Variants in PARN observed in about 807,000 individuals in gnomAD.
PARN encodes the protein poly(A)-specific ribonuclease PARN.
Under a neutral mutation model 102.8 loss-of-function variants are expected in PARN, and 71 were observed. That is an observed-to-expected ratio of 0.69 (90% CI 0.57 to 0.84). The LOEUF (loss-of-function observed/expected upper bound fraction) is 0.84. Ranked by LOEUF, PARN falls within the 40% of genes least tolerant of loss-of-function variation. The probability of loss-of-function intolerance (pLI) is 0.00; values close to 1 mark genes in which losing one functional copy is unlikely to be tolerated. For missense variants in PARN, 782 were observed against 760.9 expected, an observed-to-expected ratio of 1.03 and a Z score of -0.33; for synonymous variants, 261 against 252.9, an observed-to-expected ratio of 1.03 and a Z score of -0.30.
chr16:14,468,790 C>T (rs1158260352), intron 22 of PARN, among the ~76,000 whole-genome samples: 1 of 151,934 alleles, frequency 6.6e-6, no homozygotes, highest in African/African-American at 2.4e-5. Context: ...GACTGCAATC[C>T]TAGCTGCTTG....
chr16:14,436,899 C>G, intron 23 of PARN, 127 bp from the exon 24 acceptor site: 1 of 695,018 alleles, frequency 1.4e-6, no homozygotes, highest in Non-Finnish European at 2.5e-6. Flanking sequence ...TCTGGCTAAA[C>G]AGCTGCGCTG....
intron 18 of PARN, among the ~76,000 whole-genome samples, chr16:14,577,637 A>C (rs1969226183): frequency 6.6e-6 from 1 of 152,056 alleles, no homozygotes; most frequent in Non-Finnish European, 1.5e-5. Context: ...CCTGGTCCAG[A>C]AAACCCACTT....
intron 22 of PARN, among the ~76,000 whole-genome samples, chr16:14,474,491 C>T (rs1048912766): frequency 8.5e-5 from 13 of 152,106 alleles, no homozygotes; most frequent in Non-Finnish European, 1.5e-4. Flanking sequence ...AAGGGTCTCA[C>T]GAGTTTTTAT....
chr16:14,458,599 C>A (rs956188023), intron 22 of PARN, among the ~76,000 whole-genome samples: 3 of 152,108 alleles, frequency 2.0e-5, no homozygotes, highest in Admixed American at 1.3e-4. Flanking sequence ...GCAAAGAGCT[C>A]TGCATAGAGG....
At chr16:14,483,580 T>C (rs1338417742) in intron 21 of PARN, among the ~76,000 whole-genome samples, 1 of 152,192 alleles carries the variant, frequency 6.6e-6, no homozygotes, top group Non-Finnish European at 1.5e-5. Context: ...TCTGTTACAA[T>C]GAGTTTTAAA....
chr16:14,463,821 G>T (rs1962141698), intron 22 of PARN, among the ~76,000 whole-genome samples: 2 of 134,182 alleles, frequency 1.5e-5, no homozygotes, highest in African/African-American at 2.7e-5. Flanking sequence ...GTTGAAAAAA[G>T]TCCAAACTTT....
chr16:14,544,674 T>TA (rs1966866751), intron 21 of PARN, among the ~76,000 whole-genome samples: 1 of 152,144 alleles, frequency 6.6e-6, no homozygotes, highest in Non-Finnish European at 1.5e-5. Context: ...TTAAAAATAA[T>TA]AGTATTACAA....
intron 21 of PARN, among the ~76,000 whole-genome samples, chr16:14,509,416 C>CT (rs1185926203): frequency 1.3e-5 from 2 of 152,158 alleles, no homozygotes; most frequent in Non-Finnish European, 2.9e-5. Context: ...ACAAGTGTGA[C>CT]TTACTGCATG....
chr16:14,626,647 T>G (rs192839375), intron 5 of PARN, among the ~76,000 whole-genome samples: 1 of 151,952 alleles, frequency 6.6e-6, no homozygotes, highest in Admixed American at 6.6e-5. Context: ...AGTCTCGCTC[T>G]GTTGCCCAAG....
intron 12 of PARN, among the ~76,000 whole-genome samples, chr16:14,599,602 G>A (rs773439255): frequency 6.6e-6 from 1 of 151,730 alleles, no homozygotes; most frequent in Non-Finnish European, 1.5e-5. Flanking sequence ...TTTCTTTTTC[G>A]ACTTCTTACT....
At chr16:14,584,872 A>C in intron 14 of PARN, 81 bp from the exon 15 acceptor site, 2 of 727,302 alleles carry the variant, frequency 2.7e-6, no homozygotes, top group Non-Finnish European at 4.6e-6. Flanking sequence ...AAGCTACTTA[A>C]AATACTTCAT....
chr16:14,448,077 C>G (rs1009543517), intron 22 of PARN, among the ~76,000 whole-genome samples: 4 of 152,024 alleles, frequency 2.6e-5, no homozygotes, highest in African/African-American at 9.7e-5. Context: ...CTCCGCCTCC[C>G]GGATTCAAGT....
Position 14,580,986 on chromosome 16 carries a change from T to C in PARN, c.1193-43A>G, listed in dbSNP as rs368428151. 35 of 1,234,550 alleles carry C rather than the reference T, an allele frequency of 2.8e-5. 2 individuals carry two copies. The highest frequency in any genetic ancestry group is 6.1e-5 in the South Asian group (5 of 81,466). 76.5% of individuals were successfully genotyped at this position (1,234,550 alleles called of 1,614,324 possible). On this transcript the variant is annotated intron_variant, in intron 17 of 23. Coordinates refer to ENST00000437198, the MANE Select transcript of PARN (RefSeq NM_002582.4). ...AGAGGTATTATTATTCATAGTCACATAGACCAAGCCTGAAAGTTCAGACCA... is the reference window on the plus strand; with the variant it reads ...AGAGGTATTATTATTCATAGTCACACAGACCAAGCCTGAAAGTTCAGACCA...
rs1442510049 is a variant in PARN at position 14,584,907 on chromosome 16, A to G, written c.963-116T>C. On this transcript the variant is annotated intron_variant, in intron 14 of 23. Transcript: ENST00000437198. ...TACATAAAAAACATAATTAAAACAT[A>G]AAATGTTTAATACAGAAAATACTTA... The G allele has an allele frequency of 3.3e-5, 20 of 611,264 alleles. No homozygotes were observed. In the Admixed American group the frequency reaches 5.9e-4, roughly 18 times the overall value. 37.9% of individuals were successfully genotyped at this position (611,264 alleles called of 1,614,324 possible).
intron 23 of PARN, among the ~76,000 whole-genome samples, chr16:14,444,580 G>A (rs546808201): frequency 1.3e-3 from 195 of 152,152 alleles, no homozygotes; most frequent in African/African-American, 3.9e-3. Context: ...GGGGAAAAAC[G>A]AAAAGCTTGT....
At chr16:14,615,305 A>G (rs1212210566) in intron 6 of PARN, among the ~76,000 whole-genome samples, 2 of 148,666 alleles carry the variant, frequency 1.3e-5, no homozygotes, top group Non-Finnish European at 3.0e-5. Context: ...TTTTATGGGA[A>G]AAAAAAAAAA....
At chr16:14,531,393 G>C (rs1006438217) in intron 21 of PARN, among the ~76,000 whole-genome samples, 2 of 151,852 alleles carry the variant, frequency 1.3e-5, no homozygotes, top group Non-Finnish European at 2.9e-5. Context: ...CCATCTAATA[G>C]GGTTTCCTTT....
In PARN at chr16:14,447,382, T is replaced by G. The variant is rs554282793; in HGVS notation, c.1671-301A>C. Reference sequence around the variant, plus strand: ...AAAGTAGCCTCTATTTTGATAAAACTATTGTAACAGAATAGTAGAATAGAA... The same window carrying G: ...AAAGTAGCCTCTATTTTGATAAAACGATTGTAACAGAATAGTAGAATAGAA... On this transcript the variant is annotated intron_variant, in intron 22 of 23. Transcript: ENST00000437198. 3.3e-5 allele frequency among the ~76,000 whole-genome samples: 5 copies of G among 152,354 alleles called. No homozygotes were observed. In the East Asian group the frequency reaches 9.6e-4, roughly 29 times the overall value.
chr16:14,457,282 C>T (rs1363022018), intron 22 of PARN, among the ~76,000 whole-genome samples: 1 of 152,238 alleles, frequency 6.6e-6, no homozygotes, highest in South Asian at 2.1e-4. Context: ...CTACCTCACA[C>T]AGCAAAATGA....
Sources: gnomAD v4.1 joint callset for allele counts (sites outside exome capture counted in the v4.1 genomes callset) on GRCh38, gnomAD v4.1.1 for gene constraint, MANE v1.5 for transcripts, NCBI Gene and HGNC (gene_info 2026-07-23, HGNC 2026-07-21) for gene names.